The following FBXL7 variants were observed in gnomAD, a reference collection of about 807,000 sequenced individuals.
The protein encoded by FBXL7 is F-box and leucine rich repeat protein 7, also known as F-box/LRR-repeat protein 7.
Under a neutral mutation model 38.3 loss-of-function variants are expected in FBXL7, and 12 were observed. That is an observed-to-expected ratio of 0.31 (90% CI 0.20 to 0.51). The LOEUF (loss-of-function observed/expected upper bound fraction) is 0.51. FBXL7 is among the 20% of genes least tolerant of loss of function. The probability of loss-of-function intolerance (pLI) is 0.98; values close to 1 mark genes in which losing one functional copy is unlikely to be tolerated. For synonymous variants in FBXL7, 297 were observed against 300.9 expected (o/e 0.99, Z 0.13); for missense variants, 567 against 676.4 (o/e 0.84, Z 1.79).
chr5:15,736,793 T>G (rs1417746512), intron 2 of FBXL7, among the ~76,000 whole-genome samples: 3 of 152,218 alleles, frequency 2.0e-5, no homozygotes, highest in Non-Finnish European at 2.9e-5. Context: ...GGCCACTTGA[T>G]ACGCTGCTGT....
chr5:15,614,995 T>A (rs1740397535), intron 1 of FBXL7, among the ~76,000 whole-genome samples: 1 of 152,140 alleles, frequency 6.6e-6, no homozygotes, highest in Non-Finnish European at 1.5e-5. Flanking sequence ...AGCCTGTTGG[T>A]TAGAGGCCAG....
intron 2 of FBXL7, among the ~76,000 whole-genome samples, chr5:15,875,818 T>C (rs1740177815): frequency 6.6e-6 from 1 of 152,126 alleles, no homozygotes; most frequent in South Asian, 2.1e-4. Flanking sequence ...TGTAAATTAG[T>C]TCAACCATTG....
intron 1 of FBXL7, among the ~76,000 whole-genome samples, chr5:15,503,838 C>T (rs1435637643): frequency 6.6e-6 from 1 of 152,212 alleles, no homozygotes; most frequent in Admixed American, 6.5e-5. Context: ...CAGTTGACAT[C>T]GCTGTGCAAA....
chr5:15,860,825 G>A (rs79398500), intron 2 of FBXL7, among the ~76,000 whole-genome samples: 2,365 of 152,230 alleles, frequency 0.016, 30 homozygotes, highest in Middle Eastern at 0.037. Context: ...AGGAGATTTA[G>A]AAACTAATTG....
chr5:15,872,197 G>A (rs1014839705), intron 2 of FBXL7, among the ~76,000 whole-genome samples: 1 of 152,084 alleles, frequency 6.6e-6, no homozygotes, highest in African/African-American at 2.4e-5. Context: ...CATAAGCAAA[G>A]GAGAAATAAA....
At chr5:15,794,718 C>A (rs1486538974) in intron 2 of FBXL7, among the ~76,000 whole-genome samples, 2 of 152,102 alleles carry the variant, frequency 1.3e-5, no homozygotes, top group Non-Finnish European at 2.9e-5. Flanking sequence ...ATCTTAACAA[C>A]TTTGGGATAC....
At chr5:15,600,114 T>C (rs781439332) in intron 1 of FBXL7, among the ~76,000 whole-genome samples, 21 of 152,324 alleles carry the variant, frequency 1.4e-4, no homozygotes, top group Middle Eastern at 3.4e-3. Flanking sequence ...AGCATTAGGA[T>C]TATCCAAGGG....
chr5:15,854,488 AG>A (rs1240398159), intron 2 of FBXL7, among the ~76,000 whole-genome samples: 3 of 152,214 alleles, frequency 2.0e-5, no homozygotes, highest in Non-Finnish European at 4.4e-5. Context: ...TTTAGTGGAA[AG>A]GAAAGAAGGA....
intron 2 of FBXL7, among the ~76,000 whole-genome samples, chr5:15,670,534 C>G (rs2126596450): frequency 6.6e-6 from 1 of 152,282 alleles, no homozygotes; most frequent in Non-Finnish European, 1.5e-5. Context: ...GGCGTGGTGG[C>G]TCACACCTGT....
intron 2 of FBXL7, among the ~76,000 whole-genome samples, chr5:15,887,380 G>A (rs1358052361): frequency 1.3e-5 from 2 of 152,124 alleles, no homozygotes; most frequent in Non-Finnish European, 2.9e-5. Context: ...GCAGGAGAAT[G>A]GATGATCCCT....
At chr5:15,796,488 A>C (rs1221072893) in intron 2 of FBXL7, among the ~76,000 whole-genome samples, 3 of 152,176 alleles carry the variant, frequency 2.0e-5, no homozygotes, top group African/African-American at 7.2e-5. Flanking sequence ...GAAAAAAAAA[A>C]AATTGCCAAG....
chr5:15,900,474 A>C (rs1158407182), intron 2 of FBXL7, among the ~76,000 whole-genome samples: 1 of 152,226 alleles, frequency 6.6e-6, no homozygotes, highest in Non-Finnish European at 1.5e-5. Context: ...ACAGAATGAC[A>C]GGTGATGGCA....
intron 2 of FBXL7, among the ~76,000 whole-genome samples, chr5:15,896,755 TGAG>T (rs1741112735): frequency 6.6e-6 from 1 of 150,396 alleles, no homozygotes; most frequent in Non-Finnish European, 1.5e-5. Context: ...AATCTGAACA[TGAG>T]AAGAAAAAAA....
chr5:15,675,934 A>G (rs1222201639), intron 2 of FBXL7, among the ~76,000 whole-genome samples: 1 of 152,226 alleles, frequency 6.6e-6, no homozygotes, highest in Non-Finnish European at 1.5e-5. Context: ...ATAAGAACAC[A>G]AAGCAACATT....
chr5:15,518,257 G>C (rs761424924), intron 1 of FBXL7, among the ~76,000 whole-genome samples: 1 of 152,062 alleles, frequency 6.6e-6, no homozygotes, highest in Admixed American at 6.5e-5. Context: ...ATGAGCCACC[G>C]TGCCCGGCCA....
intron 2 of FBXL7, among the ~76,000 whole-genome samples, chr5:15,875,160 G>A (rs1354804820): frequency 6.6e-6 from 1 of 152,104 alleles, no homozygotes; most frequent in Admixed American, 6.6e-5. Flanking sequence ...CAAGCAGTGG[G>A]GAAAGGATTC....
intron 2 of FBXL7, among the ~76,000 whole-genome samples, chr5:15,756,969 CG>C (rs983543357): frequency 6.6e-6 from 1 of 152,062 alleles, no homozygotes; most frequent in African/African-American, 2.4e-5. Context: ...ATAGTTTGAA[CG>C]GAAGAGTAAA....
At chr5:15,775,594 G>A (rs530696100) in intron 2 of FBXL7, among the ~76,000 whole-genome samples, 1 of 151,982 alleles carries the variant, frequency 6.6e-6, no homozygotes, top group Non-Finnish European at 1.5e-5. Context: ...AATGGATTTG[G>A]GGTATCAGAT....
chr5:15,804,797 C>T (rs921522459), intron 2 of FBXL7, among the ~76,000 whole-genome samples: 1 of 152,150 alleles, frequency 6.6e-6, no homozygotes, highest in Non-Finnish European at 1.5e-5. Context: ...AATCTAATGC[C>T]TGATGATCTG....
Sources: allele counts gnomAD v4.1 joint callset (sites outside exome capture counted in the v4.1 genomes callset), GRCh38; gene constraint gnomAD v4.1.1; transcripts MANE v1.5; gene names NCBI Gene and HGNC (gene_info 2026-07-23, HGNC 2026-07-21).